THEMIS: variants seen among roughly 807,000 people sequenced by gnomAD.
The protein encoded by THEMIS is protein THEMIS.
Under a neutral mutation model 52.6 loss-of-function variants are expected in THEMIS, and 37 were observed. That is an observed-to-expected ratio of 0.70 (90% confidence interval 0.54 to 0.93). The LOEUF (loss-of-function observed/expected upper bound fraction) is 0.93. Ranked by LOEUF, THEMIS falls within the 40% of genes least tolerant of loss-of-function variation. THEMIS has a pLI of 0.00. For missense variants in THEMIS, 808 were observed against 763.1 expected (o/e 1.06, Z -0.69); for synonymous variants, 292 against 272.7 (o/e 1.07, Z -0.70).
intron 4 of THEMIS, among the ~76,000 whole-genome samples, chr6:127,773,974 T>G: frequency 6.6e-6 from 1 of 152,212 alleles, no homozygotes; most frequent in East Asian, 1.9e-4. Flanking sequence ...GTGAATCAAC[T>G]AGGCCCAACT....
upstream of THEMIS, among the ~76,000 whole-genome samples, chr6:127,904,935 G>GCT (rs999700566): frequency 1.3e-5 from 2 of 151,372 alleles, no homozygotes; most frequent in Admixed American, 1.3e-4. Flanking sequence ...GGAAATATCT[G>GCT]CTCTCTCTCT....
At chr6:127,797,414 A>G (rs1331496115) in intron 4 of THEMIS, among the ~76,000 whole-genome samples, 2 of 152,144 alleles carry the variant, frequency 1.3e-5, no homozygotes, top group African/African-American at 4.8e-5. Flanking sequence ...GGTCCCTTTC[A>G]ATCTCTCAAG....
chr6:127,780,215 G>T (rs1357366187), intron 4 of THEMIS, among the ~76,000 whole-genome samples: 1 of 152,028 alleles, frequency 6.6e-6, no homozygotes, highest in Non-Finnish European at 1.5e-5. Flanking sequence ...GACTATGTTT[G>T]CAGGCCCTGC....
intron 1 of THEMIS, among the ~76,000 whole-genome samples, chr6:127,889,935 T>C (rs1419623175): frequency 2.0e-5 from 3 of 152,112 alleles, no homozygotes; most frequent in African/African-American, 7.2e-5. Context: ...GAATTAAAGA[T>C]TGCAGGCCCT....
chr6:127,842,375 A>G (rs1779078312), intron 2 of THEMIS, among the ~76,000 whole-genome samples: 1 of 152,040 alleles, frequency 6.6e-6, no homozygotes, highest in African/African-American at 2.4e-5. Context: ...TGTATCACAT[A>G]TTTGGTACCC....
At chr6:127,835,745 C>G (rs4897234) in intron 2 of THEMIS, among the ~76,000 whole-genome samples, 66,569 of 151,446 alleles carry the variant, frequency 0.44, 14,876 homozygotes, top group East Asian at 0.59. Flanking sequence ...ACAGATTGAG[C>G]AAAAATTTCC....
At chr6:127,705,753 C>T (rs576686495), downstream of THEMIS, among the ~76,000 whole-genome samples, 6 of 152,260 alleles carry the variant, frequency 3.9e-5, no homozygotes, top group African/African-American at 1.4e-4. Flanking sequence ...GGAGATGCAA[C>T]AGTGGGATAT....
chr6:127,886,684 C>T (rs1035870543), intron 1 of THEMIS, among the ~76,000 whole-genome samples: 1 of 152,044 alleles, frequency 6.6e-6, no homozygotes, highest in African/African-American at 2.4e-5. Context: ...AGATGAACTT[C>T]TCTGGTTGAA....
chr6:127,701,911 G>C, the THEMIS span, among the ~76,000 whole-genome samples: 2 of 152,056 alleles, frequency 1.3e-5, no homozygotes, highest in Admixed American at 1.3e-4. Context: ...TTAATGATTT[G>C]AAGCAGGCTT....
intron 4 of THEMIS, among the ~76,000 whole-genome samples, chr6:127,776,225 A>T (rs1776560445): frequency 6.6e-6 from 1 of 152,186 alleles, no homozygotes; most frequent in African/African-American, 2.4e-5. Context: ...AGTTTTTAAG[A>T]TGTTCCACCT....
At position 127,871,255 on chromosome 6, in the gene THEMIS, T is replaced by G. The variant is rs931051128; in HGVS notation, c.92-16067A>C. Among the ~76,000 whole-genome samples the G allele has an allele frequency of 1.1e-4, 17 of 151,966 alleles. 5 individuals carry two copies. Among genetic ancestry groups the G allele is most frequent in the Admixed American group, 1.1e-3 (17 of 15,270 alleles). On this transcript the variant is annotated intron_variant, in intron 1 of 5. Coordinates refer to ENST00000368248, the MANE Select transcript of THEMIS (RefSeq NM_001010923.3). ...ATGAGGCAAAAATAAGAAAAAAAATTTTATATATGCATATAATACATATTT... is the reference window on the plus strand; with the variant it reads ...ATGAGGCAAAAATAAGAAAAAAAATGTTATATATGCATATAATACATATTT...
chr6:127,817,219 G>A lies in THEMIS; in HGVS notation c.710-3288C>T, dbSNP rs970721566. ...TAGAATGTCTAGAGTGGCACCTGGC[G>A]TATAGTAGATACTCAATAAATGAAT... On this transcript the variant is annotated intron_variant, in intron 3 of 5. Coordinates refer to ENST00000368248, the MANE Select transcript of THEMIS (RefSeq NM_001010923.3). Among the ~76,000 whole-genome samples the A allele has an allele frequency of 7.2e-5, 11 of 151,986 alleles. No homozygotes were observed. In the East Asian group the frequency reaches 1.2e-3, roughly 16 times the overall value.
chr6:127,893,862 A>C (rs986383771), intron 1 of THEMIS, among the ~76,000 whole-genome samples: 5 of 152,144 alleles, frequency 3.3e-5, no homozygotes, highest in Admixed American at 1.3e-4. Flanking sequence ...TTCCACATAA[A>C]ACAAAAAATA....
chr6:127,899,585 C>G (rs1781072855), intron 1 of THEMIS, among the ~76,000 whole-genome samples: 1 of 151,770 alleles, frequency 6.6e-6, no homozygotes, highest in Non-Finnish European at 1.5e-5. Context: ...CTGTACAATT[C>G]ATAACATTGT....
intron 4 of THEMIS, among the ~76,000 whole-genome samples, chr6:127,744,711 G>C (rs1775326625): frequency 2.6e-5 from 4 of 151,960 alleles, no homozygotes; most frequent in Admixed American, 2.6e-4. Context: ...TGAATATAAA[G>C]TTACAGTCAT....
intron 2 of THEMIS, among the ~76,000 whole-genome samples, chr6:127,854,677 G>A (rs1183802930): frequency 6.6e-6 from 1 of 151,746 alleles, no homozygotes; most frequent in Non-Finnish European, 1.5e-5. Flanking sequence ...AGGGTAGATA[G>A]GCTTAAATGA....
intron 2 of THEMIS, among the ~76,000 whole-genome samples, chr6:127,846,662 A>T (rs753543642): frequency 6.6e-6 from 1 of 151,858 alleles, no homozygotes. Flanking sequence ...TGCCAACCAA[A>T]AAAAGCCCAG....
At chr6:127,757,956 TATAG>T (rs1199027296) in intron 4 of THEMIS, among the ~76,000 whole-genome samples, 4 of 151,794 alleles carry the variant, frequency 2.6e-5, no homozygotes, top group African/African-American at 7.3e-5. Context: ...CATACATAAA[TATAG>T]ATAGATAAAT....
At chr6:127,837,134 C>A (rs1210668640) in intron 2 of THEMIS, among the ~76,000 whole-genome samples, 1 of 151,928 alleles carries the variant, frequency 6.6e-6, no homozygotes, top group Non-Finnish European at 1.5e-5. Context: ...TATGGCCGTC[C>A]CTGACCTTCC....
Sources: gnomAD v4.1 joint callset for allele counts (sites outside exome capture counted in the v4.1 genomes callset) on GRCh38, gnomAD v4.1.1 for gene constraint, MANE v1.5 for transcripts, NCBI Gene and HGNC (gene_info 2026-07-23, HGNC 2026-07-21) for gene names.